The following OXNAD1 variants were observed in gnomAD, a reference collection of about 807,000 sequenced individuals.
OXNAD1 encodes the protein oxidoreductase NAD-binding domain-containing protein 1.
Under a neutral mutation model 32.9 loss-of-function variants are expected in OXNAD1, and 34 were observed. That is an observed-to-expected ratio of 1.03 (90% CI 0.79 to 1.38). The LOEUF is 1.38. OXNAD1 is among the 40% of genes most tolerant of loss of function. OXNAD1 has a pLI of 0.00. For synonymous variants in OXNAD1, 134 were observed against 135.2 expected (o/e 0.99, Z 0.06); for missense variants, 407 against 379.4 (o/e 1.07, Z -0.60).
chr3:16,282,037 A>ATTTTTTTTT (rs779324288), intron 4 of OXNAD1, among the ~76,000 whole-genome samples: 30 of 95,696 alleles, frequency 3.1e-4, no homozygotes, highest in Non-Finnish European at 3.6e-4. Context: ...AATGTTTGTA[A>ATTTTTTTTT]TTTTTTTTTT....
In OXNAD1 at chr3:16,313,205, A is replaced by ATTTTTTTTTTTTTTTTTTT. The variant is rs750491540; in HGVS notation, c.*30+9631_*30+9632insTTTTTTTTTTTTTTTTTTT. 2.9e-3 allele frequency among the ~76,000 whole-genome samples: 298 copies of ATTTTTTTTTTTTTTTTTTT among 103,738 alleles called. 36 individuals are homozygous for ATTTTTTTTTTTTTTTTTTT. The highest frequency in any genetic ancestry group is 6.6e-3 in the African/African-American group (151 of 22,762). The allele number at this position is 103,738 out of a possible 152,430, so 68.1% of individuals were successfully genotyped here. ...GTACATGTACCACCACACCCAGCGG[A>ATTTTTTTTTTTTTTTTTTT]TTTTTTTTTTTTTTTTTTGCAGAGG... On this transcript the variant is annotated intron_variant, in intron 9 of 9. Transcript: ENST00000435829.
downstream of OXNAD1, among the ~76,000 whole-genome samples, chr3:16,339,120 G>A (rs1399221900): frequency 4.6e-5 from 7 of 152,230 alleles, no homozygotes; most frequent in Admixed American, 4.6e-4. Context: ...CTAAGGAAGG[G>A]ATTGGGTAAG....
At chr3:16,349,160 G>A (rs1285766190) in intron 9 of OXNAD1, 2 of 152,236 alleles carry the variant, frequency 1.3e-5, no homozygotes, top group African/African-American at 4.8e-5. Flanking sequence ...GCTTTTCTCT[G>A]TGACGTTCCT....
rs1279066039 is a variant in OXNAD1, at chr3:16,328,225, G to A, written c.*31-8887G>A. ...GGGAGAGATCCCAGCCACAGTCAAA[G>A]CAGGCTTCCTGGGGCAAAAATTAGA... On this transcript the variant is annotated intron_variant, in intron 9 of 9. Transcript: ENST00000435829. Among the ~76,000 whole-genome samples, 3 of 152,260 alleles carry A rather than the reference G, an allele frequency of 2.0e-5. No individual in the cohort carries two copies. In the East Asian group the frequency reaches 5.8e-4, roughly 29 times the overall value.
rs758493435 is a variant in OXNAD1 at position 16,345,829 on chromosome 3, T to TGTGTGC, written c.*31-3346_*31-3345insTGTGCG. Among the ~76,000 whole-genome samples, 120 of 69,862 alleles carry TGTGTGC rather than the reference T, an allele frequency of 1.7e-3. No individual in the cohort carries two copies. The highest frequency in any genetic ancestry group is 3.3e-3 in the African/African-American group (62 of 18,908). The allele number at this position is 69,862 out of a possible 152,430, so 45.8% of individuals were successfully genotyped here. ...GTGTGTGTGTGTGTGCGCGCGCGCG[T>TGTGTGC]GCGCGCACGCGCACATGTGCATGTG... On this transcript the variant is annotated intron_variant, in intron 9 of 9. Coordinates refer to the OXNAD1 transcript ENST00000606098. This position sits in a 1 kb window ranked among gnomAD's most constrained non-coding sequence, Gnocchi z 5.2.
At position 16,345,823 on chromosome 3, in the gene OXNAD1, C is replaced by CGTGTGTGT. The variant is rs2071656095; in HGVS notation, c.*31-3352_*31-3351insTGTGTGTG. On this transcript the variant is annotated intron_variant, in intron 9 of 9. Coordinates refer to the OXNAD1 transcript ENST00000606098. This position sits in a 1 kb window ranked among gnomAD's most constrained non-coding sequence, Gnocchi z 5.2. Reference sequence around the variant, plus strand: ...GTGTGTGTGTGTGTGTGTGTGCGCGCGCGCGTGCGCGCACGCGCACATGTG... The same window carrying CGTGTGTGT: ...GTGTGTGTGTGTGTGTGTGTGCGCGCGTGTGTGTGCGCGTGCGCGCACGCGCACATGTG... Among the ~76,000 whole-genome samples the CGTGTGTGT allele has an allele frequency of 1.5e-4, 13 of 86,896 alleles. No individual in the cohort carries two copies. Among genetic ancestry groups the CGTGTGTGT allele is most frequent in the African/African-American group, 5.5e-4 (13 of 23,676 alleles). 57.0% of individuals were successfully genotyped at this position (86,896 alleles called of 152,430 possible). A position where few individuals can be genotyped will look rare whatever the true frequency, so the allele number is the denominator to read the frequency against.
At chr3:16,291,643 G>A (rs1245495493) in intron 5 of OXNAD1, among the ~76,000 whole-genome samples, 1 of 152,158 alleles carries the variant, frequency 6.6e-6, no homozygotes, top group Non-Finnish European at 1.5e-5. Context: ...TTCATTAGCT[G>A]ATGGACATTT....
Position 16,336,057 on chromosome 3 carries a change from A to G in OXNAD1, c.*31-1055A>G, listed in dbSNP as rs1575033268. On this transcript the variant is annotated intron_variant, in intron 9 of 9. Transcript: ENST00000435829. This position sits in a 1 kb window ranked among gnomAD's most constrained non-coding sequence, Gnocchi z 6.0. ...GTAGAGGTCCTGTTCTCCTACGGCC[A>G]TGGAAAGTGGAGATCTAGAGGCAGG... Among the ~76,000 whole-genome samples, 2 of 152,218 alleles carry G rather than the reference A, an allele frequency of 1.3e-5. No individual in the cohort carries two copies. The highest frequency in any genetic ancestry group is 4.8e-5 in the African/African-American group (2 of 41,454).
rs994362840 is a variant in OXNAD1 at position 16,336,025 on chromosome 3, G to A, written c.*31-1087G>A. On this transcript the variant is annotated intron_variant, in intron 9 of 9. Coordinates refer to the OXNAD1 transcript ENST00000435829. The surrounding 1 kb of genome is among the most constrained non-coding windows in gnomAD (Gnocchi z 6.0). ...GCACACGCTGGCTATAGCGGCACTC[G>A]AGGAGGGTAGAGGTCCTGTTCTCCT... 2.0e-5 allele frequency among the ~76,000 whole-genome samples: 3 copies of A among 152,218 alleles called. No homozygotes were observed. The highest frequency in any genetic ancestry group is 7.2e-5 in the African/African-American group (3 of 41,452).
At chr3:16,279,773 G>A (rs2125016177) in intron 4 of OXNAD1, among the ~76,000 whole-genome samples, 1 of 152,304 alleles carries the variant, frequency 6.6e-6, no homozygotes, top group South Asian at 2.1e-4. Context: ...AGTGGATAGT[G>A]GGTGACCAGA....
At chr3:16,274,865 T>C (rs866697867) in intron 4 of OXNAD1, among the ~76,000 whole-genome samples, 53 of 152,364 alleles carry the variant, frequency 3.5e-4, no homozygotes, top group African/African-American at 1.3e-3. Flanking sequence ...ATAAAACTTT[T>C]TCTCTTCAGC....
chr3:16,331,612 G>A (rs1575005748), intron 9 of OXNAD1, among the ~76,000 whole-genome samples: 2 of 152,092 alleles, frequency 1.3e-5, no homozygotes, highest in Middle Eastern at 3.4e-3. Flanking sequence ...CCTATTTAAT[G>A]CTCATCGATA....
chr3:16,310,619 C>G (rs2067903664), downstream of OXNAD1, among the ~76,000 whole-genome samples: 1 of 152,050 alleles, frequency 6.6e-6, no homozygotes, highest in Non-Finnish European at 1.5e-5. Context: ...AGACCCAGTC[C>G]CTACAGTTGA....
intron 9 of OXNAD1, among the ~76,000 whole-genome samples, chr3:16,332,126 T>TGGC (rs1347378152): frequency 6.6e-6 from 1 of 152,226 alleles, no homozygotes; most frequent in African/African-American, 2.4e-5. Flanking sequence ...GTTCACCTGA[T>TGGC]GGCCTTGCAA....
chr3:16,331,633 G>T (rs1210879392), intron 9 of OXNAD1, among the ~76,000 whole-genome samples: 1 of 152,104 alleles, frequency 6.6e-6, no homozygotes, highest in African/African-American at 2.4e-5. Context: ...AATATTCCAA[G>T]ATCCTAAATA....
At position 16,301,731 on chromosome 3, in the gene OXNAD1, G is replaced by A. The variant is rs551285167; in HGVS notation, c.538G>A (p.Gly180Arg). Residue 180 changes from glycine to arginine, a missense_variant, in exon 7 of 9, where the codon GGA becomes AGA. Physicochemically the swap from Gly to Arg is moderately radical, Grantham distance 125 (BLOSUM62 -2). Coordinates refer to ENST00000285083, the MANE Select transcript of OXNAD1 (RefSeq NM_138381.5). This position sits in a 1 kb window ranked among gnomAD's most constrained non-coding sequence, Gnocchi z 4.1. ...CCTCGTGTTGATTGCAGGAGGAGTC[G>A]GAATTAACCCTCTGCTTTCCATCCT... The part of the protein sequence containing the change: ...RNLVLIAGGV[G>R]INPLLSILRH... 276 of 1,613,980 alleles carry A rather than the reference G, an allele frequency of 1.7e-4. 3 individuals carry two copies. In the South Asian group the frequency reaches 2.9e-3, roughly 17 times the overall value.
intron 9 of OXNAD1, among the ~76,000 whole-genome samples, chr3:16,325,363 G>T (rs539477483): frequency 2.0e-5 from 3 of 152,328 alleles, no homozygotes; most frequent in African/African-American, 7.2e-5. Flanking sequence ...GGAGGTGGAG[G>T]ATTAGGAAGG....
At position 16,350,168 on chromosome 3, in the gene OXNAD1, A is replaced by G. The variant is rs538056829; in HGVS notation, c.*1023A>G. Reference sequence around the variant, plus strand: ...CTGCAACTTAATTTTCTCGTTTAACATTTCCTGTAATTCCTTCCATGTCAG... The same window carrying G: ...CTGCAACTTAATTTTCTCGTTTAACGTTTCCTGTAATTCCTTCCATGTCAG... On this transcript the variant is annotated 3_prime_UTR_variant, in exon 10 of 10. Coordinates refer to the OXNAD1 transcript ENST00000606098. 9.2e-5 allele frequency: 14 copies of G among 152,328 alleles called. No homozygotes were observed. In the South Asian group the frequency reaches 1.5e-3, roughly 16 times the overall value. The allele number at this position is 152,328 out of a possible 1,614,324, so 9.4% of individuals were successfully genotyped here.
chr3:16,315,099 A>G (rs926766086), intron 9 of OXNAD1: 2 of 149,336 alleles, frequency 1.3e-5, no homozygotes, highest in African/African-American at 2.4e-5. Context: ...CTATAAAAAT[A>G]TATTACAAAT....
Sources: allele counts gnomAD v4.1 joint callset (sites outside exome capture counted in the v4.1 genomes callset), GRCh38; gene constraint gnomAD v4.1.1; non-coding constraint Gnocchi (gnomAD v3.1); transcripts MANE v1.5; gene names NCBI Gene and HGNC (gene_info 2026-07-23, HGNC 2026-07-21).